Variants in CDH4 observed in about 807,000 individuals in gnomAD.
CDH4 encodes cadherin 4.
In CDH4, 33 loss-of-function variants were observed where a neutral mutation model predicts 86.0. The observed-to-expected ratio is 0.38, with a 90% CI of 0.29 to 0.51. The LOEUF (loss-of-function observed/expected upper bound fraction) is 0.51, where lower values mean the gene tolerates loss of function less well. CDH4 is among the 20% of genes least tolerant of loss of function. CDH4 has a pLI of 0.86. For synonymous variants in CDH4, 555 were observed against 549.4 expected, an observed-to-expected ratio of 1.01 and a Z score of -0.14; for missense variants, 1,114 against 1,307.4, an observed-to-expected ratio of 0.85 and a Z score of 2.28.
chr20:61,702,514 G>A (rs145907228), intron 2 of CDH4, among the ~76,000 whole-genome samples: 6 of 152,292 alleles, frequency 3.9e-5, no homozygotes, highest in African/African-American at 7.2e-5. Flanking sequence ...GTGTTGTTAC[G>A]GTCCTTGCAG....
intron 2 of CDH4, among the ~76,000 whole-genome samples, chr20:61,535,706 C>A (rs556425083): frequency 6.6e-6 from 1 of 152,252 alleles, no homozygotes; most frequent in South Asian, 2.1e-4. Context: ...GGGCTGCATA[C>A]CCCTGAGCCT....
chr20:61,909,410 T>C (rs1382983616), intron 8 of CDH4, among the ~76,000 whole-genome samples: 1 of 152,204 alleles, frequency 6.6e-6, no homozygotes, highest in Non-Finnish European at 1.5e-5. Flanking sequence ...AACTCATCTG[T>C]GACGCCAGAA....
chr20:61,413,700 C>G (rs967888167), intron 2 of CDH4, among the ~76,000 whole-genome samples: 1 of 152,188 alleles, frequency 6.6e-6, no homozygotes, highest in African/African-American at 2.4e-5. Flanking sequence ...ACCATGGAGT[C>G]CCCTCCTGCC....
chr20:61,682,003 C>A (rs535775323), intron 2 of CDH4, among the ~76,000 whole-genome samples: 1 of 152,324 alleles, frequency 6.6e-6, no homozygotes, highest in South Asian at 2.1e-4. Flanking sequence ...TAGTGGAGAA[C>A]CTATGGCTTC....
chr20:61,774,309 AC>A (rs1489120290), intron 4 of CDH4, among the ~76,000 whole-genome samples: 9 of 152,090 alleles, frequency 5.9e-5, no homozygotes, highest in African/African-American at 1.9e-4. Flanking sequence ...AGGGGTTGGA[AC>A]CCCATCCTGG....
chr20:61,589,301 G>C (rs561737896), intron 2 of CDH4, among the ~76,000 whole-genome samples: 38 of 152,306 alleles, frequency 2.5e-4, no homozygotes, highest in Non-Finnish European at 2.2e-4. Flanking sequence ...AGCATGAAGA[G>C]ATGTTAAAAC....
At chr20:61,892,134 C>T (rs140830936) in intron 7 of CDH4, among the ~76,000 whole-genome samples, 128 of 152,294 alleles carry the variant, frequency 8.4e-4, no homozygotes, top group Middle Eastern at 6.8e-3. Flanking sequence ...AATAGTGATG[C>T]GCAGATTCAG....
At chr20:61,777,687 C>T (rs1483914935) in intron 4 of CDH4, among the ~76,000 whole-genome samples, 1 of 150,542 alleles carries the variant, frequency 6.6e-6, no homozygotes, top group African/African-American at 2.5e-5. Flanking sequence ...CATACGCGCA[C>T]ACACGTGCAT....
intron 8 of CDH4, 70 bp downstream of exon 8, chr20:61,895,117 G>C: frequency 6.5e-7 from 1 of 1,548,418 alleles, no homozygotes; most frequent in Non-Finnish European, 8.8e-7. Flanking sequence ...GTGCGGCACA[G>C]CCTCCTCTCT....
intron 2 of CDH4, among the ~76,000 whole-genome samples, chr20:61,666,992 T>C (rs66678044): frequency 0.25 from 37,538 of 152,238 alleles, 5,659 homozygotes; most frequent in Non-Finnish European, 0.34. Flanking sequence ...TCCAGACGAC[T>C]GCTCCCTGGC....
chr20:61,578,144 A>G (rs1243856234), intron 2 of CDH4, among the ~76,000 whole-genome samples: 2 of 152,160 alleles, frequency 1.3e-5, no homozygotes, highest in Non-Finnish European at 2.9e-5. Flanking sequence ...GTCACCTGGG[A>G]AGGGCCAGAG....
chr20:61,403,161 C>G (rs1216376489), intron 2 of CDH4, among the ~76,000 whole-genome samples: 1 of 152,204 alleles, frequency 6.6e-6, no homozygotes, highest in Non-Finnish European at 1.5e-5. Flanking sequence ...CCACCTTGGA[C>G]CATGAGGGGA....
chr20:61,481,339 A>G (rs566553198), intron 2 of CDH4, among the ~76,000 whole-genome samples: 1 of 152,340 alleles, frequency 6.6e-6, no homozygotes, highest in African/African-American at 2.4e-5. Context: ...ACATTGGGGA[A>G]CAGAGTTGCA....
chr20:61,735,897 A>T (rs540916050), intron 2 of CDH4, among the ~76,000 whole-genome samples: 1 of 152,268 alleles, frequency 6.6e-6, no homozygotes, highest in East Asian at 1.9e-4. Context: ...AATATTGAGG[A>T]TGTGCTTCTG....
chr20:61,807,183 G>T lies in CDH4; in HGVS notation c.576+34001G>T, dbSNP rs983627263. Reference sequence around the variant, plus strand: ...GGAGGGCCTCGGGAGGTGCCTGGTGGGTCCTGCCAGACAGAGGAGTGGCCT... The same window carrying T: ...GGAGGGCCTCGGGAGGTGCCTGGTGTGTCCTGCCAGACAGAGGAGTGGCCT... On this transcript the variant is annotated intron_variant, in intron 4 of 15. Coordinates refer to ENST00000614565, the MANE Select transcript of CDH4 (RefSeq NM_001794.5). The surrounding 1 kb of genome is among the most constrained non-coding windows in gnomAD (Gnocchi z 4.5). Among the ~76,000 whole-genome samples the T allele has an allele frequency of 6.6e-6, 1 of 152,330 alleles. No individual in the cohort carries two copies. Among genetic ancestry groups the T allele is most frequent in the South Asian group, 2.1e-4 (1 of 4,824 alleles).
chr20:61,465,336 G>A (rs2085466410), intron 2 of CDH4, among the ~76,000 whole-genome samples: 1 of 152,128 alleles, frequency 6.6e-6, no homozygotes, highest in South Asian at 2.1e-4. Context: ...GATAATGGGG[G>A]AGGAAGGAGT....
chr20:61,621,802 A>G (rs1487145209), intron 2 of CDH4, among the ~76,000 whole-genome samples: 1 of 152,196 alleles, frequency 6.6e-6, no homozygotes, highest in African/African-American at 2.4e-5. Flanking sequence ...TTAATTTTAT[A>G]TTTTACTTAA....
chr20:61,380,871 C>A (rs4280531), intron 2 of CDH4, among the ~76,000 whole-genome samples: 37,471 of 152,138 alleles, frequency 0.25, 5,008 homozygotes, highest in African/African-American at 0.34. Flanking sequence ...TTTCTCCTGC[C>A]TCTGCTCAAG....
At chr20:61,364,016 C>G (rs764267498) in intron 2 of CDH4, among the ~76,000 whole-genome samples, 15 of 152,172 alleles carry the variant, frequency 9.9e-5, no homozygotes, top group Non-Finnish European at 2.1e-4. Flanking sequence ...AGCATCTGAA[C>G]TTCTAAATTG....
Sources: gnomAD v4.1 joint callset for allele counts (sites outside exome capture counted in the v4.1 genomes callset) on GRCh38, gnomAD v4.1.1 for gene constraint, Gnocchi (gnomAD v3.1) non-coding constraint, MANE v1.5 for transcripts, NCBI Gene and HGNC (gene_info 2026-07-23, HGNC 2026-07-21) for gene names.